Variants in SLC22A9 observed in about 807,000 individuals in gnomAD.
SLC22A9 encodes the protein solute carrier family 22 member 9, also known as organic anion transporter 7.
Under a neutral mutation model 50.1 loss-of-function variants are expected in SLC22A9, and 64 were observed. The observed-to-expected ratio is 1.28, with a 90% CI of 1.04 to 1.57. The LOEUF is 1.57. SLC22A9 is among the 40% of genes most tolerant of loss of function. The pLI is 0.00. For missense variants in SLC22A9, 757 were observed against 676.1 expected, an observed-to-expected ratio of 1.12 and a Z score of -1.33; for synonymous variants, 261 against 242.5, an observed-to-expected ratio of 1.08 and a Z score of -0.71.
intron 6 of SLC22A9, among the ~76,000 whole-genome samples, chr11:63,392,346 T>G (rs180750343): frequency 6.6e-6 from 1 of 152,108 alleles, no homozygotes; most frequent in Non-Finnish European, 1.5e-5. Flanking sequence ...TGCTCATCAA[T>G]GTCATTGTCT....
intron 5 of SLC22A9, among the ~76,000 whole-genome samples, chr11:63,376,954 G>C (rs1489449070): frequency 6.6e-6 from 1 of 151,888 alleles, no homozygotes; most frequent in Non-Finnish European, 1.5e-5. Context: ...AAAGGCAAAA[G>C]GAGAATTACA....
At position 63,374,059 on chromosome 11, in the gene SLC22A9, C is replaced by G; in HGVS notation, c.827C>G (p.Ser276Ter). The G allele has an allele frequency of 6.2e-7, 1 of 1,606,638 alleles. No individual in the cohort carries two copies. The highest frequency in any genetic ancestry group is 8.5e-7 in the Non-Finnish European group (1 of 1,177,076). The change falls in exon 4 of 10, where the codon TCA becomes TGA. Residue 276 changes from serine to a stop codon, truncating the protein, a stop_gained. Coordinates refer to ENST00000279178, the MANE Select transcript of SLC22A9 (RefSeq NM_080866.3). LOFTEE classifies it high-confidence loss of function. ...SVPYFVIFLT[S>*]SWLLESARWL... Reference sequence around the variant, plus strand: ...CCATACTTTGTGATCTTTCTGACCTCAAGGTATGAGTTTGTTTCTTCTTTT... The same window carrying G: ...CCATACTTTGTGATCTTTCTGACCTGAAGGTATGAGTTTGTTTCTTCTTTT...
chr11:63,406,502 C>T lies in SLC22A9; in HGVS notation c.1079C>T (p.Ala360Val), dbSNP rs1287665798. 3 of 1,613,316 alleles carry T rather than the reference C, an allele frequency of 1.9e-6. No individual in the cohort carries two copies. The highest frequency in any genetic ancestry group is 1.1e-5 in the South Asian group (1 of 91,052). Residue 360 changes from alanine to valine, a missense_variant, in exon 7 of 10, where the codon GCA becomes GTA. Physicochemically the swap from Ala to Val is moderately conservative, Grantham distance 64. Transcript: ENST00000279178. ...TTCCTTTTTAATCATCACAGATTTG[C>T]AAACTTTATGGCCTATTTTGGCCTT... is the stretch of plus-strand genomic sequence containing the variant. ...RISLLSFTRF[A>V]NFMAYFGLNL...
chr11:63,405,796 T>A (rs965754075), intron 6 of SLC22A9, among the ~76,000 whole-genome samples: 2 of 152,144 alleles, frequency 1.3e-5, no homozygotes, highest in East Asian at 1.9e-4. Context: ...GTTTTTGTTG[T>A]CATGTGAGCA....
chr11:63,394,766 T>C (rs1391293270), intron 6 of SLC22A9, among the ~76,000 whole-genome samples: 1 of 152,172 alleles, frequency 6.6e-6, no homozygotes. Flanking sequence ...TTCGCGTGTC[T>C]AGTTCTCTAG....
At chr11:63,392,484 A>G (rs573732478) in intron 6 of SLC22A9, among the ~76,000 whole-genome samples, 1 of 152,042 alleles carries the variant, frequency 6.6e-6, no homozygotes, top group East Asian at 1.9e-4. Context: ...TTTTGGCTGG[A>G]TATACTACTC....
intron 6 of SLC22A9, among the ~76,000 whole-genome samples, chr11:63,399,334 A>C (rs2014915723): frequency 6.6e-6 from 1 of 152,200 alleles, no homozygotes; most frequent in Admixed American, 6.5e-5. Context: ...TTACACCTGC[A>C]CTAGAAATGA....
chr11:63,388,853 T>A (rs1591020620), intron 6 of SLC22A9, among the ~76,000 whole-genome samples: 1 of 152,274 alleles, frequency 6.6e-6, no homozygotes, highest in East Asian at 1.9e-4. Flanking sequence ...GATCCCATTA[T>A]TTTTTATTAC....
Position 63,370,061 on chromosome 11 carries a change from C to A in SLC22A9, c.5C>A (p.Ala2Asp). The A allele has an allele frequency of 6.2e-7, 1 of 1,609,424 alleles. No individual in the cohort carries two copies. The highest frequency in any genetic ancestry group is 8.5e-7 in the Non-Finnish European group (1 of 1,177,562). Residue 2 changes from alanine to aspartate, a missense_variant, in exon 1 of 10, where the codon GCC becomes GAC. Transcript: ENST00000279178. M[A>D]FQDLLGHAGD... ...AGGATCAACTGTTCAACCTCAATGG[C>A]CTTTCAGGACCTCCTGGGTCACGCT...
intron 6 of SLC22A9, among the ~76,000 whole-genome samples, chr11:63,397,367 G>T (rs895807953): frequency 4.6e-5 from 7 of 152,112 alleles, no homozygotes; most frequent in African/African-American, 1.7e-4. Context: ...AAGGCCCATA[G>T]TAATCACTGC....
chr11:63,375,894 C>A, intron 5 of SLC22A9, 126 bp downstream of exon 5: 3 of 1,197,910 alleles, frequency 2.5e-6, no homozygotes, highest in African/African-American at 1.5e-5. Flanking sequence ...GGCTGTATCA[C>A]CTCACTATCA....
In SLC22A9 at chr11:63,369,939, G is replaced by A. The variant is rs1456916698; in HGVS notation, c.-118G>A. ...GGGAAGCACAGTCGTCAAGAAGAGAGTGGGGTCAGGATCAAAACACATTTA... is the reference window on the plus strand; with the variant it reads ...GGGAAGCACAGTCGTCAAGAAGAGAATGGGGTCAGGATCAAAACACATTTA... On this transcript the variant is annotated 5_prime_UTR_variant, in exon 1 of 10. The change creates a new upstream start codon in the 5' untranslated region. Coordinates refer to ENST00000279178, the MANE Select transcript of SLC22A9 (RefSeq NM_080866.3). 3 of 1,017,278 alleles carry A rather than the reference G, an allele frequency of 2.9e-6. No individual in the cohort carries two copies. The highest frequency in any genetic ancestry group is 2.8e-5 in the Admixed American group (1 of 36,216). 63.0% of individuals were successfully genotyped at this position (1,017,278 alleles called of 1,614,324 possible). A position where few individuals can be genotyped will look rare whatever the true frequency, so the allele number is the denominator to read the frequency against.
At chr11:63,387,625 GACTATTCT>G (rs557988168) in intron 6 of SLC22A9, among the ~76,000 whole-genome samples, 1,771 of 152,054 alleles carry the variant, frequency 0.012, 26 homozygotes, top group African/African-American at 0.041. Flanking sequence ...AGATAGTTTC[GACTATTCT>G]TGGTCTTTTT....
chr11:63,407,574 C>T (rs565392937), intron 7 of SLC22A9, among the ~76,000 whole-genome samples: 4 of 152,164 alleles, frequency 2.6e-5, no homozygotes, highest in South Asian at 4.1e-4. Context: ...ACTTTTTTTC[C>T]TCTTTTCGAG....
intron 4 of SLC22A9, among the ~76,000 whole-genome samples, chr11:63,375,328 G>A (rs1218385370): frequency 1.3e-5 from 2 of 152,132 alleles, no homozygotes; most frequent in Non-Finnish European, 2.9e-5. Flanking sequence ...GACCTCACTA[G>A]GACCTTGGCA....
chr11:63,410,257 A>AAAAAAAAAAAGGAAAAAAAG lies in SLC22A9; in HGVS notation c.*398_*399insAAAAAAAGGAAAAAAAGAAA. ...CTGTCTCAAAAAAAAAAAAAAAAAA[A>AAAAAAAAAAAGGAAAAAAAG]AAAGAAAGAAGGAAAGAAAGAAAGA... On this transcript the variant is annotated 3_prime_UTR_variant, in exon 10 of 10. Transcript: ENST00000279178. 9.2e-6 allele frequency: 1 copy of AAAAAAAAAAAGGAAAAAAAG among 108,488 alleles called. No individual in the cohort carries two copies. Among genetic ancestry groups the AAAAAAAAAAAGGAAAAAAAG allele is most frequent in the African/African-American group, 4.4e-5 (1 of 22,666 alleles). 6.7% of individuals were successfully genotyped at this position (108,488 alleles called of 1,614,324 possible). A position where few individuals can be genotyped will look rare whatever the true frequency, so the allele number is the denominator to read the frequency against.
At chr11:63,406,908 CTAT>C (rs1169718474) in intron 7 of SLC22A9, among the ~76,000 whole-genome samples, 197 bp downstream of exon 7, 1 of 152,112 alleles carries the variant, frequency 6.6e-6, no homozygotes, top group African/African-American at 2.4e-5. Flanking sequence ...AAGGTTGGCT[CTAT>C]TATATGGTTG....
chr11:63,401,965 G>C (rs1008197784), intron 6 of SLC22A9, among the ~76,000 whole-genome samples: 1 of 151,838 alleles, frequency 6.6e-6, no homozygotes, highest in Admixed American at 6.6e-5. Flanking sequence ...TTGTTTGTTT[G>C]TTTTATTGTT....
intron 6 of SLC22A9, among the ~76,000 whole-genome samples, chr11:63,396,759 A>AT (rs1257532788): frequency 6.6e-6 from 1 of 151,958 alleles, no homozygotes; most frequent in Non-Finnish European, 1.5e-5. Flanking sequence ...TAAAATTCTG[A>AT]TTTTTTTCTC....
Sources: gnomAD v4.1 joint callset for allele counts (sites outside exome capture counted in the v4.1 genomes callset) on GRCh38, gnomAD v4.1.1 for gene constraint, MANE v1.5 for transcripts, NCBI Gene and HGNC (gene_info 2026-07-23, HGNC 2026-07-21) for gene names.